MAP3K3: variants seen among roughly 807,000 people sequenced by gnomAD.
MAP3K3 encodes mitogen-activated protein kinase kinase kinase 3.
Under a neutral mutation model 80.9 loss-of-function variants are expected in MAP3K3, and 12 were observed. The observed-to-expected ratio is 0.15, with a 90% confidence interval of 0.10 to 0.24. MAP3K3 has a LOEUF of 0.24. MAP3K3 is among the 10% of genes least tolerant of loss of function. The probability of loss-of-function intolerance (pLI) is 1.00; values close to 1 mark genes in which losing one functional copy is unlikely to be tolerated. For missense variants in MAP3K3, 596 were observed against 834.7 expected (o/e 0.71, Z 3.52); for synonymous variants, 272 against 307.1 (o/e 0.89, Z 1.19).
chr17:63,694,141 G>T lies in MAP3K3; in HGVS notation c.*364G>T. The T allele has an allele frequency of 4.8e-6, 1 of 207,178 alleles. No individual in the cohort carries two copies. The highest frequency in any genetic ancestry group is 9.7e-6 in the Non-Finnish European group (1 of 103,544). 12.8% of individuals were successfully genotyped at this position (207,178 alleles called of 1,614,324 possible). ...TCTGGGGGCACAAGACTGACGCCAG[G>T]GTATGAAGAGTGTTATTTTCATTCA... On this transcript the variant is annotated 3_prime_UTR_variant, in exon 16 of 16. Coordinates refer to ENST00000361733, the MANE Select transcript of MAP3K3 (RefSeq NM_002401.5).
chr17:63,647,183 C>T (rs572772470), intron 3 of MAP3K3, among the ~76,000 whole-genome samples: 15 of 152,260 alleles, frequency 9.9e-5, no homozygotes, highest in African/African-American at 2.2e-4. Context: ...AGAGGCAACC[C>T]GGTGGAAGCA....
At chr17:63,648,930 C>T (rs1044971568) in intron 3 of MAP3K3, among the ~76,000 whole-genome samples, 31 of 152,084 alleles carry the variant, frequency 2.0e-4, no homozygotes, top group Non-Finnish European at 7.4e-5. Context: ...AGGAAAAAAA[C>T]AGGAAGGAAT....
At chr17:63,640,531 A>C (rs1367226233) in intron 2 of MAP3K3, among the ~76,000 whole-genome samples, 1 of 152,152 alleles carries the variant, frequency 6.6e-6, no homozygotes, top group Non-Finnish European at 1.5e-5. Flanking sequence ...ATTATTTTTT[A>C]ATTTGTAGCA....
intron 2 of MAP3K3, among the ~76,000 whole-genome samples, chr17:63,636,329 T>C (rs2034322520): frequency 6.6e-6 from 1 of 152,196 alleles, no homozygotes; most frequent in South Asian, 2.1e-4. Context: ...CTCTGTATTC[T>C]AGGAGTACAG....
intron 5 of MAP3K3, among the ~76,000 whole-genome samples, chr17:63,663,535 G>A (rs1249469149): frequency 6.6e-6 from 1 of 151,964 alleles, no homozygotes; most frequent in Non-Finnish European, 1.5e-5. Flanking sequence ...TCTTTAGTTA[G>A]GAAAGACAGC....
chr17:63,640,014 A>G (rs530704203), intron 2 of MAP3K3, among the ~76,000 whole-genome samples: 9 of 152,152 alleles, frequency 5.9e-5, no homozygotes, highest in African/African-American at 2.2e-4. Flanking sequence ...TTGAGAGGAG[A>G]ATTGAAATTT....
At chr17:63,628,190 G>T (rs1027259484) in intron 1 of MAP3K3, among the ~76,000 whole-genome samples, 1 of 151,608 alleles carries the variant, frequency 6.6e-6, no homozygotes, top group Non-Finnish European at 1.5e-5. Context: ...ACAGGTGTGA[G>T]CCACCACGCC....
rs1434451382 is a variant in MAP3K3, at chr17:63,692,662, C to CT, written c.1652+245dup. On this transcript the variant is annotated intron_variant, in intron 15 of 15. Coordinates refer to ENST00000361733, the MANE Select transcript of MAP3K3 (RefSeq NM_002401.5). The surrounding 1 kb of genome is among the most constrained non-coding windows in gnomAD (Gnocchi z 4.5). Reference sequence around the variant, plus strand: ...AACATCCCTCATGTTTGCTAAATCTCTTAAGGAAGCAGGATCCACTCTGAA... The same window carrying CT: ...AACATCCCTCATGTTTGCTAAATCTCTTTAAGGAAGCAGGATCCACTCTGAA... Among the ~76,000 whole-genome samples, 1 of 152,218 alleles carries CT rather than the reference C, an allele frequency of 6.6e-6. No homozygotes were observed. The highest frequency in any genetic ancestry group is 1.5e-5 in the Non-Finnish European group (1 of 68,040).
At position 63,691,734 on chromosome 17, in the gene MAP3K3, G is replaced by T; in HGVS notation, c.1346G>T (p.Gly449Val). The T allele has an allele frequency of 6.2e-7, 1 of 1,613,406 alleles. No homozygotes were observed. Among genetic ancestry groups the T allele is most frequent in the Non-Finnish European group, 8.5e-7 (1 of 1,179,544 alleles). ...LTIFMEYMPG[G>V]SVKDQLKAYG... The stretch of plus-strand genomic sequence containing the variant: ...CCTCTGACTTCTTGTGGCCTCCAGG[G>T]CTCGGTGAAAGACCAGTTGAAGGCT... Residue 449 changes from glycine (G) to valine (V), a missense_variant and splice_region_variant, in exon 14 of 16, where the codon GGC (glycine) becomes GTC (valine). Transcript: ENST00000361733. The surrounding 1 kb of genome is among the most constrained non-coding windows in gnomAD (Gnocchi z 4.8).
chr17:63,637,537 TA>T (rs1389699651), intron 2 of MAP3K3, among the ~76,000 whole-genome samples: 1 of 152,248 alleles, frequency 6.6e-6, no homozygotes, highest in East Asian at 1.9e-4. Flanking sequence ...TTGTACATTG[TA>T]AAACAAATGT....
At chr17:63,638,567 C>A (rs1044266554) in intron 2 of MAP3K3, among the ~76,000 whole-genome samples, 1 of 152,268 alleles carries the variant, frequency 6.6e-6, no homozygotes, top group Non-Finnish European at 1.5e-5. Flanking sequence ...TAGCTCAACC[C>A]GACAGCCCGC....
chr17:63,676,245 T>C (rs2035216741), intron 6 of MAP3K3, among the ~76,000 whole-genome samples: 1 of 152,224 alleles, frequency 6.6e-6, no homozygotes, highest in African/African-American at 2.4e-5. Context: ...AAACCTTTGC[T>C]ATTTTTCCCC....
chr17:63,677,450 A>T (rs1359344035), intron 6 of MAP3K3, among the ~76,000 whole-genome samples: 1 of 152,210 alleles, frequency 6.6e-6, no homozygotes, highest in East Asian at 1.9e-4. Flanking sequence ...GTGTTTTGTG[A>T]CATGATAAGA....
rs1179528752 is a variant in MAP3K3, at chr17:63,659,524, A to G, written c.381+1617A>G. Among the ~76,000 whole-genome samples the G allele has an allele frequency of 6.2e-5, 7 of 113,276 alleles. No homozygotes were observed. In the East Asian group the frequency reaches 9.7e-4, roughly 16 times the overall value. The allele number at this position is 113,276 out of a possible 152,430, so 74.3% of individuals were successfully genotyped here. A position where few individuals can be genotyped will look rare whatever the true frequency, so the allele number is the denominator to read the frequency against. On this transcript the variant is annotated intron_variant, in intron 5 of 15. Transcript: ENST00000361733. ...TCTTTTGATTTCAAATCTGTCATGG[A>G]CTTTTTTTTTTTTTTTTTTTTTTTT...
At chr17:63,637,021 C>G (rs914484969) in intron 2 of MAP3K3, 1 of 576,292 alleles carries the variant, frequency 1.7e-6, no homozygotes, top group Non-Finnish European at 3.3e-6. Context: ...TGGTGGGGGA[C>G]GACAAGGTGG....
At chr17:63,624,350 C>G (rs1382845535) in intron 1 of MAP3K3, among the ~76,000 whole-genome samples, 3 of 151,904 alleles carry the variant, frequency 2.0e-5, no homozygotes, top group Non-Finnish European at 4.4e-5. Flanking sequence ...GCTGTTAGTC[C>G]CAAAGGAGAG....
intron 3 of MAP3K3, among the ~76,000 whole-genome samples, chr17:63,647,199 G>C (rs1019412088): frequency 2.7e-4 from 41 of 152,182 alleles, no homozygotes; most frequent in African/African-American, 8.9e-4. Flanking sequence ...AAGCATTGTG[G>C]AAAGTGTGGT....
chr17:63,679,275 C>T (rs1248485144), intron 6 of MAP3K3, among the ~76,000 whole-genome samples: 1 of 152,126 alleles, frequency 6.6e-6, no homozygotes, highest in African/African-American at 2.4e-5. Context: ...AAGTATTTTT[C>T]TTCCTTCTGA....
At position 63,681,820 on chromosome 17, in the gene MAP3K3, A is replaced by G; in HGVS notation, c.557A>G (p.Gln186Arg). The change falls in exon 7 of 16, where the codon CAG becomes CGG. Residue 186 changes from glutamine to arginine, a missense_variant. Physicochemically the swap from Gln to Arg is conservative, Grantham distance 43 (BLOSUM62 1). Transcript: ENST00000361733. ...CCCCCTGGCTATGTTCCTGAGCGGC[A>G]GCAGCACATTGCCCGGCAGGGGTCC... The part of the protein sequence containing the change: ...SPPPGYVPER[Q>R]QHIARQGSYT... 6.4e-7 allele frequency: 1 copy of G among 1,550,920 alleles called. No homozygotes were observed. Among genetic ancestry groups the G allele is most frequent in the South Asian group, 1.2e-5 (1 of 83,704 alleles).
Sources: allele counts gnomAD v4.1 joint callset (sites outside exome capture counted in the v4.1 genomes callset), GRCh38; gene constraint gnomAD v4.1.1; non-coding constraint Gnocchi (gnomAD v3.1); transcripts MANE v1.5; gene names NCBI Gene and HGNC (gene_info 2026-07-23, HGNC 2026-07-21).